SNRPA1: variants seen among roughly 807,000 people sequenced by gnomAD.
SNRPA1 encodes U2 small nuclear ribonucleoprotein A'.
Under a neutral mutation model 32.3 loss-of-function variants are expected in SNRPA1, and 5 were observed. The observed-to-expected ratio is 0.15, with a 90% CI of 0.08 to 0.33. The LOEUF (loss-of-function observed/expected upper bound fraction) is 0.33. Among genes scored for constraint, SNRPA1 ranks in the 10% least tolerant of loss-of-function variants. The pLI is 1.00. For synonymous variants in SNRPA1, 111 were observed against 120.1 expected (o/e 0.92, Z 0.50); for missense variants, 198 against 311.1 (o/e 0.64, Z 2.74).
At chr15:101,291,130 C>T (rs1212585125) in intron 3 of SNRPA1, among the ~76,000 whole-genome samples, 1 of 152,242 alleles carries the variant, frequency 6.6e-6, no homozygotes, top group African/African-American at 2.4e-5. Flanking sequence ...ATCCTCCCAC[C>T]TTGGCTTCCC....
intron 3 of SNRPA1, among the ~76,000 whole-genome samples, chr15:101,291,331 A>AT (rs2039523887): frequency 6.6e-6 from 1 of 152,258 alleles, no homozygotes; most frequent in South Asian, 2.1e-4. Context: ...ATCTAACGTG[A>AT]AGAGTAAAAC....
At chr15:101,282,414 G>A (rs570054995) in intron 8 of SNRPA1, among the ~76,000 whole-genome samples, 1 of 152,246 alleles carries the variant, frequency 6.6e-6, no homozygotes, top group East Asian at 1.9e-4. Flanking sequence ...TTTGATTGAC[G>A]GGCATGAAGA....
chr15:101,283,393 T>TAAAA lies in SNRPA1; in HGVS notation c.709+1570_709+1573dup, dbSNP rs879422585. 3.9e-3 allele frequency among the ~76,000 whole-genome samples: 544 copies of TAAAA among 137,772 alleles called. 4 individuals carry two copies. Among genetic ancestry groups the TAAAA allele is most frequent in the African/African-American group, 0.014 (511 of 37,724 alleles). 90.4% of individuals were successfully genotyped at this position (137,772 alleles called of 152,430 possible). ...TTTTTAGTAGAAACCCTGTCTCTAC[T>TAAAA]AAAAAAAAAAAAAATACAAAAAGTT... On this transcript the variant is annotated intron_variant, in intron 8 of 8. Transcript: ENST00000254193.
At chr15:101,286,661 G>C (rs1017840856) in intron 5 of SNRPA1, 2 of 481,864 alleles carry the variant, frequency 4.2e-6, no homozygotes, top group African/African-American at 2.0e-5. Context: ...TGTTAAGACT[G>C]CTCACCGTGG....
chr15:101,294,692 A>G (rs1160802094), intron 1 of SNRPA1, among the ~76,000 whole-genome samples: 1 of 152,230 alleles, frequency 6.6e-6, no homozygotes, highest in African/African-American at 2.4e-5. Context: ...CACATATCCT[A>G]TCTACGCTCA....
At chr15:101,282,174 CT>C (rs988097622) in intron 8 of SNRPA1, among the ~76,000 whole-genome samples, 1 of 152,194 alleles carries the variant, frequency 6.6e-6, no homozygotes, top group Non-Finnish European at 1.5e-5. Context: ...AGTTCAATGA[CT>C]TTATTGTCTC....
At chr15:101,292,955 A>G in intron 2 of SNRPA1, 70 bp downstream of exon 2, 1 of 1,078,642 alleles carries the variant, frequency 9.3e-7, no homozygotes, top group East Asian at 2.7e-5. Flanking sequence ...AGCACGTGCT[A>G]CAACTTCTTC....
intron 8 of SNRPA1, among the ~76,000 whole-genome samples, chr15:101,282,998 C>T (rs2039413897): frequency 6.6e-6 from 1 of 150,918 alleles, no homozygotes; most frequent in Non-Finnish European, 1.5e-5. Context: ...CATGTGCACC[C>T]CCTTTCTGTC....
intron 3 of SNRPA1, 136 bp downstream of exon 3, chr15:101,291,826 G>C (rs1429925688): frequency 1.0e-5 from 6 of 584,804 alleles, no homozygotes; most frequent in Non-Finnish European, 1.8e-5. Flanking sequence ...AACCCAAAAG[G>C]CCCAGATCCT....
intron 3 of SNRPA1, among the ~76,000 whole-genome samples, chr15:101,290,817 T>C (rs937389435): frequency 3.8e-4 from 57 of 150,104 alleles, no homozygotes; most frequent in African/African-American, 1.3e-3. Context: ...TCTCAGCTCA[T>C]TGCAACCTCT....
chr15:101,289,045 C>G (rs1336655873), intron 3 of SNRPA1, among the ~76,000 whole-genome samples: 1 of 152,118 alleles, frequency 6.6e-6, no homozygotes, highest in Non-Finnish European at 1.5e-5. Context: ...AGAGCAGAGC[C>G]AGAAATTCTC....
intron 1 of SNRPA1, among the ~76,000 whole-genome samples, chr15:101,294,276 C>T (rs2039561729): frequency 1.3e-5 from 2 of 152,172 alleles, no homozygotes. Context: ...TCCCAAAGGT[C>T]GGCAAGAAAT....
rs930840572 is a variant in SNRPA1 at position 101,295,079 on chromosome 15, C to T, written c.82+18G>A. 6.2e-6 allele frequency: 9 copies of T among 1,452,028 alleles called. No homozygotes were observed. The South Asian group carries it at 9.1e-5, about 15-fold the overall frequency. 89.9% of individuals were successfully genotyped at this position (1,452,028 alleles called of 1,614,324 possible). A position where few individuals can be genotyped will look rare whatever the true frequency, so the allele number is the denominator to read the frequency against. The stretch of plus-strand genomic sequence containing the variant: ...TCGGTGCCGCCTGGGGACTGGCCGC[C>T]CACGCCCCCGGACTCACCCCGGAGG... On this transcript the variant is annotated intron_variant, in intron 1 of 8. Coordinates refer to ENST00000254193, the MANE Select transcript of SNRPA1 (RefSeq NM_003090.4).
intron 7 of SNRPA1, 25 bp from the exon 8 acceptor site, chr15:101,285,085 T>C: frequency 1.3e-6 from 2 of 1,547,180 alleles, no homozygotes; most frequent in Non-Finnish European, 1.8e-6. Context: ...GCAATGGAGA[T>C]GGATGATTAA....
intron 4 of SNRPA1, among the ~76,000 whole-genome samples, chr15:101,287,227 C>T (rs1300649527): frequency 6.6e-6 from 1 of 152,132 alleles, no homozygotes; most frequent in South Asian, 2.1e-4. Flanking sequence ...GGTACATGTG[C>T]ACAACTTGCA....
chr15:101,286,231 A>G lies in SNRPA1; in HGVS notation c.522T>C (p.Ile174=). 3 of 1,614,112 alleles carry G rather than the reference A, an allele frequency of 1.9e-6. No individual in the cohort carries two copies. Among genetic ancestry groups the G allele is most frequent in the Non-Finnish European group, 2.5e-6 (3 of 1,179,974 alleles). ...GKRGAQLAKD[I]ARRSKTFNPG... Reference sequence around the variant, plus strand: ...TGTCTTACGTTTTGCTTCTCCTGGCAATATCCTTTGCAAGCTGTGCACCCC... The same window carrying G: ...TGTCTTACGTTTTGCTTCTCCTGGCGATATCCTTTGCAAGCTGTGCACCCC... The change falls in exon 6 of 9, where the codon ATT becomes ATC. Residue 174 remains isoleucine (I), a synonymous_variant. Coordinates refer to ENST00000254193, the MANE Select transcript of SNRPA1 (RefSeq NM_003090.4).
At chr15:101,282,759 A>G (rs574354604) in intron 8 of SNRPA1, among the ~76,000 whole-genome samples, 1 of 152,218 alleles carries the variant, frequency 6.6e-6, no homozygotes, top group Non-Finnish European at 1.5e-5. Context: ...TGCACATAAC[A>G]TTACTATTGA....
chr15:101,286,354 T>TGTGG, intron 5 of SNRPA1, 61 bp from the exon 6 acceptor site: 1 of 1,482,568 alleles, frequency 6.7e-7, no homozygotes. Flanking sequence ...TTTAGATGCA[T>TGTGG]TCCTCAGAAG....
chr15:101,287,816 T>C, intron 3 of SNRPA1, 114 bp from the exon 4 acceptor site: 1 of 891,444 alleles, frequency 1.1e-6, no homozygotes. Context: ...GAATTTTTAC[T>C]CTCTAGCAAC....
Sources: allele counts gnomAD v4.1 joint callset (sites outside exome capture counted in the v4.1 genomes callset), GRCh38; gene constraint gnomAD v4.1.1; transcripts MANE v1.5; gene names NCBI Gene and HGNC (gene_info 2026-07-23, HGNC 2026-07-21).